Variants in TFEC observed in about 807,000 individuals in gnomAD.
The protein encoded by TFEC is transcription factor EC.
TFEC carries 31 observed loss-of-function variants against 41.6 expected under a neutral mutation model. The observed-to-expected ratio is 0.74, with a 90% CI of 0.56 to 1.01. The LOEUF (loss-of-function observed/expected upper bound fraction) is 1.01. TFEC is among the 50% of genes least tolerant of loss of function. The pLI is 0.00. For synonymous variants in TFEC, 143 were observed against 140.6 expected, an observed-to-expected ratio of 1.02 and a Z score of -0.12; for missense variants, 402 against 404.1, an observed-to-expected ratio of 0.99 and a Z score of 0.04.
chr7:115,975,733 A>G (rs185346532), intron 2 of TFEC, among the ~76,000 whole-genome samples: 1 of 152,286 alleles, frequency 6.6e-6, no homozygotes, highest in Admixed American at 6.5e-5. Context: ...GTTATTTTAT[A>G]AAGTGCATCA....
intron 1 of TFEC, among the ~76,000 whole-genome samples, chr7:116,009,124 T>C (rs1401991172): frequency 6.6e-6 from 1 of 152,224 alleles, no homozygotes; most frequent in African/African-American, 2.4e-5. Context: ...TACCTCCATT[T>C]ATACATGCAT....
intron 3 of TFEC, among the ~76,000 whole-genome samples, chr7:116,087,798 C>T (rs1179016196): frequency 1.3e-5 from 2 of 152,046 alleles, no homozygotes; most frequent in African/African-American, 4.8e-5. Context: ...ATAGCTCCAG[C>T]AACAGGGATC....
intron 3 of TFEC, among the ~76,000 whole-genome samples, chr7:116,097,318 T>A (rs562268090): frequency 1.3e-5 from 2 of 152,270 alleles, no homozygotes; most frequent in African/African-American, 2.4e-5. Context: ...AGTACTGAAC[T>A]CTACATTTAC....
At chr7:115,979,966 C>A (rs768936180) in intron 2 of TFEC, among the ~76,000 whole-genome samples, 1 of 152,112 alleles carries the variant, frequency 6.6e-6, no homozygotes, top group Non-Finnish European at 1.5e-5. Flanking sequence ...CCCTCTCAAC[C>A]GCCATTTAAA....
chr7:116,146,118 A>G (rs1419562355), intron 1 of TFEC, among the ~76,000 whole-genome samples: 1 of 152,202 alleles, frequency 6.6e-6, no homozygotes, highest in Non-Finnish European at 1.5e-5. Context: ...AATCATTTTG[A>G]CACCTGTCTT....
At chr7:116,018,186 C>G (rs1015655367) in intron 1 of TFEC, among the ~76,000 whole-genome samples, 3 of 152,114 alleles carry the variant, frequency 2.0e-5, no homozygotes, top group African/African-American at 4.8e-5. Context: ...TATCCTGGTT[C>G]AGTGATGAGT....
intron 3 of TFEC, among the ~76,000 whole-genome samples, chr7:116,079,328 A>G (rs1797034122): frequency 6.6e-6 from 1 of 152,110 alleles, no homozygotes; most frequent in African/African-American, 2.4e-5. Flanking sequence ...AGCCCTAACC[A>G]GAGCAATCAG....
At chr7:115,982,056 G>A (rs1442149067) in intron 2 of TFEC, among the ~76,000 whole-genome samples, 1 of 152,130 alleles carries the variant, frequency 6.6e-6, no homozygotes, top group Non-Finnish European at 1.5e-5. Context: ...TCATCTTAAA[G>A]ATTTTCAGTC....
chr7:116,007,915 C>A (rs1357453601), intron 1 of TFEC, among the ~76,000 whole-genome samples: 1 of 152,074 alleles, frequency 6.6e-6, no homozygotes, highest in Non-Finnish European at 1.5e-5. Context: ...ATGGTAAAAG[C>A]CCTCAGCTAA....
At chr7:115,956,849 AT>A in intron 3 of TFEC, 56 bp from the exon 4 acceptor site, 2 of 1,079,092 alleles carry the variant, frequency 1.9e-6, no homozygotes, top group South Asian at 1.7e-5. Flanking sequence ...AAATTGATAT[AT>A]TTAGTTATAT....
intron 1 of TFEC, among the ~76,000 whole-genome samples, chr7:116,004,558 T>C (rs150998902): frequency 2.3e-4 from 35 of 152,296 alleles, no homozygotes; most frequent in African/African-American, 7.7e-4. Context: ...AGGCAGGGTA[T>C]ATGTGGAAAA....
At chr7:116,158,827 A>C (rs1378762448) in intron 1 of TFEC, among the ~76,000 whole-genome samples, 1 of 152,102 alleles carries the variant, frequency 6.6e-6, no homozygotes, top group Non-Finnish European at 1.5e-5. Context: ...GAATTGAAGA[A>C]GACATTTTCT....
chr7:115,971,260 T>C (rs1045277177), intron 3 of TFEC, among the ~76,000 whole-genome samples: 1 of 151,892 alleles, frequency 6.6e-6, no homozygotes, highest in Non-Finnish European at 1.5e-5. Context: ...TAACTGGAAC[T>C]AAGAAGAAAA....
intron 3 of TFEC, among the ~76,000 whole-genome samples, chr7:116,066,839 C>T (rs1796705110): frequency 6.6e-6 from 1 of 151,780 alleles, no homozygotes; most frequent in African/African-American, 2.4e-5. Flanking sequence ...TAAATTATTC[C>T]CTAGGCACCG....
At chr7:116,143,608 C>T (rs1157974526) in intron 1 of TFEC, among the ~76,000 whole-genome samples, 1 of 152,208 alleles carries the variant, frequency 6.6e-6, no homozygotes, top group East Asian at 1.9e-4. Flanking sequence ...TCTTTCCAAA[C>T]TGAGTTCTGC....
intron 1 of TFEC, 145 bp from the exon 2 acceptor site, chr7:115,984,658 A>G (rs1347833314): frequency 6.3e-6 from 6 of 959,020 alleles, no homozygotes; most frequent in Non-Finnish European, 1.5e-6. Flanking sequence ...CTTCTGTCAT[A>G]AGTTACATAC....
chr7:116,001,000 C>CAT (rs1794572257), intron 1 of TFEC, among the ~76,000 whole-genome samples: 1 of 151,094 alleles, frequency 6.6e-6, no homozygotes, highest in Non-Finnish European at 1.5e-5. Context: ...CCCAGGATAT[C>CAT]CAAAGCTATC....
intron 1 of TFEC, among the ~76,000 whole-genome samples, chr7:116,010,462 G>A (rs1794957873): frequency 6.6e-6 from 1 of 152,096 alleles, no homozygotes. Context: ...TGAGAAGACT[G>A]GTGTTCAAGA....
intron 1 of TFEC, among the ~76,000 whole-genome samples, chr7:116,004,934 G>A (rs1794732410): frequency 6.6e-6 from 1 of 152,122 alleles, no homozygotes; most frequent in Non-Finnish European, 1.5e-5. Context: ...TCTTTCCTAT[G>A]CTGTTCTCAT....
Sources: gnomAD v4.1 joint callset for allele counts (sites outside exome capture counted in the v4.1 genomes callset) on GRCh38, gnomAD v4.1.1 for gene constraint, MANE v1.5 for transcripts, NCBI Gene and HGNC (gene_info 2026-07-23, HGNC 2026-07-21) for gene names.